The following CACNA1S variants were observed in gnomAD, a reference collection of about 807,000 sequenced individuals.
CACNA1S encodes the protein voltage-dependent L-type calcium channel subunit alpha-1S.
A neutral mutation model predicts 207.4 loss-of-function variants in CACNA1S; 126 were observed. The observed-to-expected ratio is 0.61, with a 90% CI of 0.53 to 0.70. The LOEUF is 0.70. Ranked by LOEUF, CACNA1S falls within the 30% of genes least tolerant of loss-of-function variation. CACNA1S has a pLI of 0.00. For synonymous variants in CACNA1S, 960 were observed against 932.7 expected, an observed-to-expected ratio of 1.03 and a Z score of -0.53; for missense variants, 2,349 against 2,422.8, an observed-to-expected ratio of 0.97 and a Z score of 0.64.
At chr1:201,101,955 G>A (rs1374372229) in intron 2 of CACNA1S, among the ~76,000 whole-genome samples, 1 of 152,100 alleles carries the variant, frequency 6.6e-6, no homozygotes, top group African/African-American at 2.4e-5. Context: ...ATGTTGAGAT[G>A]AAGCCCTCAC....
In CACNA1S at chr1:201,084,864, C is replaced by G. The variant is rs1204406092; in HGVS notation, c.1232+86G>C. On this transcript the variant is annotated intron_variant, in intron 9 of 43. Coordinates refer to ENST00000362061, the MANE Select transcript of CACNA1S (RefSeq NM_000069.3). ...AAGGATTAGACAAGTGACTCTGAAA[C>G]CACTGAGGGGAAGTAACTGGACTCT... is the stretch of plus-strand genomic sequence containing the variant. 4 of 948,712 alleles carry G rather than the reference C, an allele frequency of 4.2e-6. No homozygotes were observed. In the African/African-American group the frequency reaches 6.4e-5, roughly 15 times the overall value. The allele number at this position is 948,712 out of a possible 1,614,324, so 58.8% of individuals were successfully genotyped here. A position where few individuals can be genotyped will look rare whatever the true frequency, so the allele number is the denominator to read the frequency against.
In CACNA1S at chr1:201,050,991, G is replaced by C. The variant is rs1042491303; in HGVS notation, c.4106C>G (p.Ala1369Gly). 6.2e-7 allele frequency: 1 copy of C among 1,614,028 alleles called. No homozygotes were observed. Among genetic ancestry groups the C allele is most frequent in the African/African-American group, 1.3e-5 (1 of 74,920 alleles). Residue 1369 changes from alanine (A) to glycine (G), a missense_variant, in exon 33 of 44, where the codon GCC becomes GGC. Coordinates refer to ENST00000362061, the MANE Select transcript of CACNA1S (RefSeq NM_000069.3). ...YYFISFYMLC[A>G]FLVINLFVAV... ...AGGCCCTCAGCATCTCACCAGGAAG[G>C]CACAGAGCATGTAGAAGCTGATGAA...
At chr1:201,045,734 C>CAAAAAAAAAAAAAAAAAAAAAAAAAAA (rs56958698) in intron 38 of CACNA1S, among the ~76,000 whole-genome samples, 1 of 72,648 alleles carries the variant, frequency 1.4e-5, no homozygotes, top group Non-Finnish European at 2.5e-5. Context: ...CTCTTGTCTC[C>CAAAAAAAAAAAAAAAAAAAAAAAAAAA]AAAAAAAAAA....
Position 201,061,972 on chromosome 1 carries a change from T to A in CACNA1S, c.3025A>T (p.Thr1009Ser), listed in dbSNP as rs1161561007. ...NVLSAMMSLF[T>S]VSTFEGWPQL... is the part of the protein sequence containing the mutation. ...GGCCATCCCTCGAAGGTGGAGACCG[T>A]GAAGAGGGACATCATGGCTGAGAGC... The change falls in exon 24 of 44, where the codon ACG becomes TCG. Residue 1009 changes from threonine (T) to serine (S), a missense_variant. Thr to Ser is a moderately conservative substitution (Grantham distance 58). Transcript: ENST00000362061. 1 of 1,614,136 alleles carries A rather than the reference T, an allele frequency of 6.2e-7. No homozygotes were observed. Among genetic ancestry groups the A allele is most frequent in the Admixed American group, 1.7e-5 (1 of 60,024 alleles).
intron 7 of CACNA1S, 109 bp downstream of exon 7, chr1:201,087,717 C>A: frequency 1.3e-6 from 1 of 761,058 alleles, no homozygotes. Context: ...CTCCTCTCCA[C>A]TCGCCCCCCA....
In CACNA1S at chr1:201,077,920, C is replaced by G; in HGVS notation, c.1578G>C (p.Val526=). The change falls in exon 11 of 44, where the codon GTG becomes GTC. Residue 526 remains valine, a synonymous_variant. Coordinates refer to ENST00000362061, the MANE Select transcript of CACNA1S (RefSeq NM_000069.3). ...TCCTCAGGAGGCGGATGCAGCGGAG[C>G]ACGGAGATGCCCAGGGGTGTCATGG... ...SGAMTPLGIS[V]LRCIRLLRIF... 1 of 1,614,152 alleles carries G rather than the reference C, an allele frequency of 6.2e-7. No individual in the cohort carries two copies. The highest frequency in any genetic ancestry group is 2.2e-5 in the East Asian group (1 of 44,884).
At chr1:201,110,873 C>T (rs993134829) in intron 1 of CACNA1S, among the ~76,000 whole-genome samples, 14 of 152,232 alleles carry the variant, frequency 9.2e-5, no homozygotes, top group African/African-American at 1.9e-4. Context: ...ACCCCAGGCC[C>T]ATGGCTTTCT....
At chr1:201,070,782 C>T (rs771051947) in intron 16 of CACNA1S, among the ~76,000 whole-genome samples, 4 of 152,084 alleles carry the variant, frequency 2.6e-5, no homozygotes, top group African/African-American at 4.8e-5. Context: ...CCCAGGTCTG[C>T]GTCTAACTTG....
intron 22 of CACNA1S, among the ~76,000 whole-genome samples, chr1:201,065,459 T>G (rs943237325): frequency 2.0e-5 from 3 of 152,226 alleles, no homozygotes; most frequent in Admixed American, 2.0e-4. Context: ...TTTCTTGTTT[T>G]GTTTGATAGA....
chr1:201,086,053 A>G (rs1662028406), intron 7 of CACNA1S, among the ~76,000 whole-genome samples: 1 of 150,936 alleles, frequency 6.6e-6, no homozygotes. Context: ...GGCTGGAAGA[A>G]AAGGACCCAA....
intron 28 of CACNA1S, 132 bp downstream of exon 28, chr1:201,058,276 G>T: frequency 1.3e-6 from 1 of 797,890 alleles, no homozygotes; most frequent in Non-Finnish European, 2.2e-6. Context: ...CAGAAGCCGT[G>T]ACTTGTCATT....
At chr1:201,081,857 C>T (rs1661853599) in intron 10 of CACNA1S, among the ~76,000 whole-genome samples, 1 of 152,146 alleles carries the variant, frequency 6.6e-6, no homozygotes, top group South Asian at 2.1e-4. Flanking sequence ...CTCTCTTGCT[C>T]CTGCTTTCGC....
chr1:201,060,611 C>T (rs1467185297), intron 26 of CACNA1S, 47 bp downstream of exon 26: 3 of 1,583,024 alleles, frequency 1.9e-6, no homozygotes, highest in East Asian at 2.6e-5. Context: ...CTACCCAAGG[C>T]CCAGGTCCCA....
intron 4 of CACNA1S, 51 bp from the exon 5 acceptor site, chr1:201,091,843 C>G (rs1347775811): frequency 6.3e-7 from 1 of 1,596,674 alleles, no homozygotes; most frequent in Admixed American, 1.8e-5. Flanking sequence ...TGCTTGGTCT[C>G]TTGGCCCTCC....
intron 16 of CACNA1S, among the ~76,000 whole-genome samples, chr1:201,072,383 A>G (rs527381020): frequency 6.6e-6 from 1 of 152,086 alleles, no homozygotes; most frequent in Admixed American, 6.5e-5. Flanking sequence ...CTGCCTCATC[A>G]CGACATATAT....
chr1:201,091,519 C>G, intron 5 of CACNA1S, 121 bp downstream of exon 5: 1 of 1,127,008 alleles, frequency 8.9e-7, no homozygotes, highest in South Asian at 1.2e-5. Flanking sequence ...AACCCATTCT[C>G]AAGGTCAACA....
chr1:201,088,179 T>A (rs961861635), intron 6 of CACNA1S, among the ~76,000 whole-genome samples: 22 of 152,300 alleles, frequency 1.4e-4, no homozygotes, highest in Non-Finnish European at 2.4e-4. Flanking sequence ...AAGACTGACC[T>A]AATTTCCCTC....
intron 2 of CACNA1S, among the ~76,000 whole-genome samples, chr1:201,098,626 C>A (rs1388974844): frequency 6.6e-6 from 1 of 152,182 alleles, no homozygotes; most frequent in Admixed American, 6.5e-5. Context: ...AATAAATGAA[C>A]AATGGAAAGT....
chr1:201,047,138 T>C lies in CACNA1S; in HGVS notation c.4645A>G (p.Lys1549Glu). ...ACCTGGATCTGTACAATGTCCTTCT[T>C]GGGCCGATAGCCATAATACTCCTCT... ...RQEEYYGYRP[K>E]KDIVQIQAGL... The change falls in exon 38 of 44, where the codon AAG becomes GAG. Residue 1549 changes from lysine (K) to glutamate (E), a missense_variant. Transcript: ENST00000362061. The C allele has an allele frequency of 6.2e-7, 1 of 1,614,228 alleles. No individual in the cohort carries two copies. Among genetic ancestry groups the C allele is most frequent in the Non-Finnish European group, 8.5e-7 (1 of 1,180,046 alleles).
Sources: gnomAD v4.1 joint callset for allele counts (sites outside exome capture counted in the v4.1 genomes callset) on GRCh38, gnomAD v4.1.1 for gene constraint, MANE v1.5 for transcripts, NCBI Gene and HGNC (gene_info 2026-07-23, HGNC 2026-07-21) for gene names.